SMC2: variants seen among roughly 807,000 people sequenced by gnomAD.
SMC2 encodes structural maintenance of chromosomes protein 2.
A neutral mutation model predicts 142.6 loss-of-function variants in SMC2; 41 were observed. The ratio of observed to expected loss-of-function variants is 0.29; its 90% CI spans 0.22 to 0.37. The LOEUF (loss-of-function observed/expected upper bound fraction) is 0.37. SMC2 is among the 10% of genes least tolerant of loss of function. The pLI is 1.00. For missense variants in SMC2, 1,265 were observed against 1,373.7 expected, an observed-to-expected ratio of 0.92 and a Z score of 1.25; for synonymous variants, 463 against 457.5, an observed-to-expected ratio of 1.01 and a Z score of -0.15.
In SMC2 at chr9:104,118,311, G is replaced by A. The variant is rs190773187; in HGVS notation, c.1932G>A (p.Arg644=). The stretch of plus-strand genomic sequence containing the variant: ...CCAAAAAAGTGGCCTTTGATAAGAG[G>A]ATAATGACTAGAACTGTAACTCTCG... The part of the protein sequence containing the change: ...DNAKKVAFDK[R]IMTRTVTLGG... The change falls in exon 15 of 25, where the codon AGG becomes AGA. Residue 644 remains arginine, a synonymous_variant. Coordinates refer to ENST00000374793, the MANE Select transcript of SMC2 (RefSeq NM_006444.3). 2.2e-5 allele frequency: 36 copies of A among 1,613,634 alleles called. No homozygotes were observed. Among genetic ancestry groups the A allele is most frequent in the Admixed American group, 5.0e-5 (3 of 59,990 alleles).
intron 16 of SMC2, among the ~76,000 whole-genome samples, chr9:104,121,943 T>G (rs1833788025): frequency 6.6e-6 from 1 of 152,218 alleles, no homozygotes; most frequent in Non-Finnish European, 1.5e-5. Context: ...TTAGTAGAGA[T>G]GGAGTTTCAC....
chr9:104,091,208 T>C (rs545574929), upstream of SMC2, among the ~76,000 whole-genome samples: 3 of 152,348 alleles, frequency 2.0e-5, no homozygotes, highest in African/African-American at 7.2e-5. Context: ...AATTTCATTG[T>C]TGTGCAAACA....
intron 22 of SMC2, 39 bp downstream of exon 22, chr9:104,132,164 G>GA (rs1835049050): frequency 1.0e-5 from 11 of 1,054,396 alleles, no homozygotes; most frequent in Non-Finnish European, 1.4e-5. Flanking sequence ...TTGCAAGGAT[G>GA]AAAAAATATC....
chr9:104,105,166 G>A (rs560501822), intron 9 of SMC2, among the ~76,000 whole-genome samples: 1 of 152,340 alleles, frequency 6.6e-6, no homozygotes, highest in Non-Finnish European at 1.5e-5. Context: ...TGGTACCAAA[G>A]ATTTTATAAA....
At chr9:104,093,033 CCCTCCCT>C (rs1395270766), upstream of SMC2, 1 of 152,116 alleles carries the variant, frequency 6.6e-6, no homozygotes. Flanking sequence ...GAGAAAGCAC[CCCTCCCT>C]AGACACACCT....
At chr9:104,126,180 T>C (rs77392870) in intron 18 of SMC2, among the ~76,000 whole-genome samples, 8,631 of 152,184 alleles carry the variant, frequency 0.057, 660 homozygotes, top group African/African-American at 0.18. Context: ...TCTCTCCCTG[T>C]GCCCGCCATA....
chr9:104,137,985 A>C (rs755701469), intron 23 of SMC2, 33 bp from the exon 24 acceptor site: 3 of 1,496,208 alleles, frequency 2.0e-6, no homozygotes, highest in South Asian at 2.8e-5. Flanking sequence ...ATAAAATCAA[A>C]TTTTTATGGC....
intron 9 of SMC2, among the ~76,000 whole-genome samples, chr9:104,108,553 C>T (rs1266890806): frequency 2.0e-5 from 3 of 152,162 alleles, no homozygotes; most frequent in Non-Finnish European, 4.4e-5. Flanking sequence ...TACCCACTTC[C>T]CGAGCTCTCT....
intron 18 of SMC2, among the ~76,000 whole-genome samples, chr9:104,126,092 G>T (rs771567564): frequency 6.6e-6 from 1 of 152,078 alleles, no homozygotes; most frequent in Non-Finnish European, 1.5e-5. Flanking sequence ...TGCATGCAAG[G>T]GATCTAGGTT....
At position 104,096,136 on chromosome 9, in the gene SMC2, A is replaced by G. The variant is rs755532103; in HGVS notation, c.169-12A>G. 3 of 1,609,078 alleles carry G rather than the reference A, an allele frequency of 1.9e-6. No homozygotes were observed. Among genetic ancestry groups the G allele is most frequent in the Non-Finnish European group, 2.5e-6 (3 of 1,178,290 alleles). ...GTTTTGTAATTGTTACACTTTTCAT[A>G]TTTTATTTTAGGTTCGGGCTTCTAA... On this transcript the variant is annotated splice_polypyrimidine_tract_variant and intron_variant, in intron 2 of 24. Coordinates refer to ENST00000374793, the MANE Select transcript of SMC2 (RefSeq NM_006444.3).
rs370784279 is a variant in SMC2 at position 104,116,355 on chromosome 9, G to A, written c.1791+36G>A. The A allele has an allele frequency of 6.1e-5, 94 of 1,547,646 alleles. 1 individual carries two copies. The African/African-American group carries it at 9.2e-4, about 15-fold the overall frequency. On this transcript the variant is annotated intron_variant, in intron 14 of 24. Transcript: ENST00000374793. ...TTTTGTCTTATTTATATGTTTAATC[G>A]TCATCTGTGGTTTTTTTAAGTTAGA...
intron 11 of SMC2, among the ~76,000 whole-genome samples, 162 bp from the exon 12 acceptor site, chr9:104,113,802 T>C (rs1172117154): frequency 6.6e-6 from 1 of 152,150 alleles, no homozygotes; most frequent in Non-Finnish European, 1.5e-5. Flanking sequence ...TAATGTCTGT[T>C]TGACAGTGGA....
Position 104,129,641 on chromosome 9 carries a change from C to T in SMC2, c.2791-4C>T, listed in dbSNP as rs766136900. The T allele has an allele frequency of 8.7e-6, 14 of 1,610,546 alleles. No homozygotes were observed. The highest frequency in any genetic ancestry group is 1.2e-5 in the Non-Finnish European group (14 of 1,176,938). On this transcript the variant is annotated splice_polypyrimidine_tract_variant and splice_region_variant and intron_variant, in intron 20 of 24. Transcript: ENST00000374793. Reference sequence around the variant, plus strand: ...ATCTCCCATCTATTTTTATATGTGGCTAGGTATCCAAAATGTTGAAAGATT... The same window carrying T: ...ATCTCCCATCTATTTTTATATGTGGTTAGGTATCCAAAATGTTGAAAGATT...
chr9:104,094,521 T>G, intron 1 of SMC2, 44 bp downstream of exon 1: 1 of 357,454 alleles, frequency 2.8e-6, no homozygotes, highest in Non-Finnish European at 4.9e-6. Context: ...CGGGCCAGAC[T>G]TCCTGGCGGG....
At chr9:104,118,396 T>C in intron 15 of SMC2, 21 bp downstream of exon 15, 1 of 1,584,798 alleles carries the variant, frequency 6.3e-7, no homozygotes, top group African/African-American at 1.3e-5. Context: ...TATCCTTTTC[T>C]CCTCACAATT....
In SMC2 at chr9:104,114,676, A is replaced by G. The variant is rs1327874923; in HGVS notation, c.1533-15A>G. 4.4e-6 allele frequency: 7 copies of G among 1,602,756 alleles called. No homozygotes were observed. The highest frequency in any genetic ancestry group is 1.4e-5 in the African/African-American group (1 of 73,902). On this transcript the variant is annotated splice_polypyrimidine_tract_variant and intron_variant, in intron 12 of 24. Coordinates refer to ENST00000374793, the MANE Select transcript of SMC2 (RefSeq NM_006444.3). Reference sequence around the variant, plus strand: ...TATTATCTAAGATTAATTTTTGTCAACTTTTGTATTTCAGGGATCCAGAGA... The same window carrying G: ...TATTATCTAAGATTAATTTTTGTCAGCTTTTGTATTTCAGGGATCCAGAGA...
intron 16 of SMC2, 21 bp from the exon 17 acceptor site, chr9:104,123,087 A>C (rs1281801737): frequency 1.9e-6 from 3 of 1,590,160 alleles, no homozygotes; most frequent in Non-Finnish European, 1.7e-6. Context: ...GTCATTTCTT[A>C]CATGTTTCTG....
At chr9:104,102,365 A>G in intron 8 of SMC2, 59 bp from the exon 9 acceptor site, 3 of 1,478,566 alleles carry the variant, frequency 2.0e-6, no homozygotes, top group African/African-American at 1.4e-5. Flanking sequence ...CTCATACAAT[A>G]AAATGACAGC....
At chr9:104,136,383 C>T (rs1034128231) in intron 23 of SMC2, among the ~76,000 whole-genome samples, 25 of 152,080 alleles carry the variant, frequency 1.6e-4, no homozygotes, top group African/African-American at 6.0e-4. Flanking sequence ...GCTCCTGCTG[C>T]CTGTTCATAA....
Sources: allele counts gnomAD v4.1 joint callset (sites outside exome capture counted in the v4.1 genomes callset), GRCh38; gene constraint gnomAD v4.1.1; transcripts MANE v1.5; gene names NCBI Gene and HGNC (gene_info 2026-07-23, HGNC 2026-07-21).